Variants in C8orf34 observed in about 807,000 individuals in gnomAD.
C8orf34 encodes uncharacterized protein C8orf34.
C8orf34 carries 65 observed loss-of-function variants against 68.3 expected under a neutral mutation model. That is an observed-to-expected ratio of 0.95 (90% CI 0.78 to 1.17). The LOEUF (loss-of-function observed/expected upper bound fraction) is 1.17, where lower values mean the gene tolerates loss of function less well. C8orf34 is among the 50% of genes most tolerant of loss of function. The pLI is 0.00. For missense variants in C8orf34, 664 were observed against 655.4 expected (o/e 1.01, Z -0.14); for synonymous variants, 244 against 241.2 (o/e 1.01, Z -0.11).
At chr8:68,422,452 C>A (rs1207952396) in intron 1 of C8orf34, among the ~76,000 whole-genome samples, 1 of 152,204 alleles carries the variant, frequency 6.6e-6, no homozygotes, top group African/African-American at 2.4e-5. Flanking sequence ...TCCTTTGACT[C>A]CATGTCTCAC....
At chr8:68,562,037 G>A (rs1366154166) in intron 7 of C8orf34, among the ~76,000 whole-genome samples, 2 of 152,086 alleles carry the variant, frequency 1.3e-5, no homozygotes, top group Admixed American at 1.3e-4. Context: ...AGTATAGTAT[G>A]GTAGATACAT....
chr8:68,642,555 G>A (rs993576907), intron 8 of C8orf34, among the ~76,000 whole-genome samples: 1 of 152,146 alleles, frequency 6.6e-6, no homozygotes, highest in African/African-American at 2.4e-5. Flanking sequence ...ACTACTTACA[G>A]CAATAACAAT....
At chr8:68,714,959 G>C (rs1821428037) in intron 9 of C8orf34, among the ~76,000 whole-genome samples, 1 of 152,086 alleles carries the variant, frequency 6.6e-6, no homozygotes, top group South Asian at 2.1e-4. Context: ...AGAGAACCCA[G>C]AAATAAACCC....
intron 12 of C8orf34, among the ~76,000 whole-genome samples, chr8:68,811,112 T>C (rs28822412): frequency 0.1 from 15,748 of 152,222 alleles, 1,624 homozygotes; most frequent in African/African-American, 0.27. Context: ...GTAGGCCTGC[T>C]CTGAGCTGCC....
chr8:68,701,190 TC>T (rs1450619161), intron 8 of C8orf34, among the ~76,000 whole-genome samples: 7 of 152,006 alleles, frequency 4.6e-5, no homozygotes, highest in Non-Finnish European at 7.4e-5. Context: ...GGCAAAACTC[TC>T]CCCACCACTT....
At chr8:68,558,025 C>T (rs7000982) in intron 7 of C8orf34, among the ~76,000 whole-genome samples, 28,279 of 152,026 alleles carry the variant, frequency 0.19, 3,106 homozygotes, top group African/African-American at 0.31. Context: ...AGAAAGAAAA[C>T]GTGGAAATGT....
chr8:68,674,936 G>T (rs1820135084), intron 8 of C8orf34, among the ~76,000 whole-genome samples: 1 of 151,940 alleles, frequency 6.6e-6, no homozygotes, highest in Non-Finnish European at 1.5e-5. Flanking sequence ...ATGCAATGGA[G>T]CTCCAATACC....
At chr8:68,613,658 A>G (rs1405791408) in intron 7 of C8orf34, among the ~76,000 whole-genome samples, 3 of 151,546 alleles carry the variant, frequency 2.0e-5, no homozygotes, top group Non-Finnish European at 4.4e-5. Flanking sequence ...CATGGTGTAT[A>G]TGTGCCACAT....
At chr8:68,587,660 G>A (rs144489219) in intron 7 of C8orf34, among the ~76,000 whole-genome samples, 101 of 152,100 alleles carry the variant, frequency 6.6e-4, no homozygotes, top group African/African-American at 2.3e-3. Flanking sequence ...TTAATAACAA[G>A]ATTTATGTTG....
At chr8:68,376,007 C>T (rs1807778024) in intron 1 of C8orf34, among the ~76,000 whole-genome samples, 1 of 152,090 alleles carries the variant, frequency 6.6e-6, no homozygotes. Flanking sequence ...CTACAATATA[C>T]CATGACTGGG....
intron 10 of C8orf34, among the ~76,000 whole-genome samples, chr8:68,762,312 C>A (rs1360800660): frequency 6.6e-6 from 1 of 152,058 alleles, no homozygotes; most frequent in Non-Finnish European, 1.5e-5. Context: ...ATATATTTAA[C>A]TAACTGGCAG....
intron 8 of C8orf34, among the ~76,000 whole-genome samples, chr8:68,660,413 G>A (rs555058749): frequency 1.3e-5 from 2 of 152,278 alleles, no homozygotes; most frequent in East Asian, 3.9e-4. Flanking sequence ...TGCCAATGCA[G>A]CTTTTCACTC....
At chr8:68,413,255 T>A (rs1415955757) in intron 1 of C8orf34, among the ~76,000 whole-genome samples, 2 of 152,194 alleles carry the variant, frequency 1.3e-5, no homozygotes, top group African/African-American at 4.8e-5. Context: ...ATTTCTGCTG[T>A]TGCCATTGTT....
chr8:68,666,821 G>T (rs528456975), intron 8 of C8orf34, among the ~76,000 whole-genome samples: 2 of 152,256 alleles, frequency 1.3e-5, no homozygotes, highest in African/African-American at 4.8e-5. Context: ...AAGCACAAGT[G>T]CCCTTTTAAA....
chr8:68,523,561 C>G (rs1363156380), intron 6 of C8orf34, among the ~76,000 whole-genome samples: 2 of 152,058 alleles, frequency 1.3e-5, no homozygotes, highest in Admixed American at 1.3e-4. Context: ...TACACTGTGA[C>G]AAGAAAGAGC....
intron 7 of C8orf34, among the ~76,000 whole-genome samples, chr8:68,636,917 T>A (rs1038087048): frequency 8.5e-5 from 13 of 152,146 alleles, no homozygotes; most frequent in African/African-American, 2.9e-4. Flanking sequence ...TCAGAGCCAA[T>A]GGCGTGACTG....
At chr8:68,364,811 C>T (rs200931723) in intron 1 of C8orf34, among the ~76,000 whole-genome samples, 1 of 150,836 alleles carries the variant, frequency 6.6e-6, no homozygotes, top group Non-Finnish European at 1.5e-5. Flanking sequence ...CCAAAATTGA[C>T]ACCCTAACAT....
At chr8:68,634,430 G>T (rs182172034) in intron 7 of C8orf34, among the ~76,000 whole-genome samples, 4 of 152,094 alleles carry the variant, frequency 2.6e-5, no homozygotes, top group African/African-American at 9.6e-5. Flanking sequence ...TTCCTCCCTC[G>T]ACTTATGCAG....
chr8:68,765,761 C>T (rs1456674989), intron 10 of C8orf34, among the ~76,000 whole-genome samples: 1 of 152,142 alleles, frequency 6.6e-6, no homozygotes, highest in Non-Finnish European at 1.5e-5. Flanking sequence ...CTTAATTCTG[C>T]AGATAGCATT....
Sources: allele counts gnomAD v4.1 joint callset (sites outside exome capture counted in the v4.1 genomes callset), GRCh38; gene constraint gnomAD v4.1.1; transcripts MANE v1.5; gene names NCBI Gene and HGNC (gene_info 2026-07-23, HGNC 2026-07-21).